The following MEF2C variants were observed in gnomAD, a reference collection of about 807,000 sequenced individuals.
MEF2C encodes myocyte-specific enhancer factor 2C.
Under a neutral mutation model 50.5 loss-of-function variants are expected in MEF2C, and 6 were observed. The ratio of observed to expected loss-of-function variants is 0.12; its 90% CI spans 0.07 to 0.23. The LOEUF (loss-of-function observed/expected upper bound fraction) is 0.23, where lower values mean the gene tolerates loss of function less well. Ranked by LOEUF, MEF2C falls within the 10% of genes least tolerant of loss-of-function variation. The pLI, the probability that MEF2C is intolerant of heterozygous loss-of-function variation, is 1.00. For synonymous variants in MEF2C, 183 were observed against 228.0 expected, an observed-to-expected ratio of 0.80 and a Z score of 1.78; for missense variants, 276 against 605.0, an observed-to-expected ratio of 0.46 and a Z score of 5.70.
chr5:88,774,918 G>T (rs1223082234), intron 3 of MEF2C, among the ~76,000 whole-genome samples: 3 of 152,172 alleles, frequency 2.0e-5, no homozygotes, highest in Non-Finnish European at 4.4e-5. Flanking sequence ...TCCTGTCGTA[G>T]TTCTGCATGC....
chr5:88,874,812 C>T (rs1251676056), intron 1 of MEF2C, among the ~76,000 whole-genome samples: 1 of 151,792 alleles, frequency 6.6e-6, no homozygotes, highest in African/African-American at 2.4e-5. Context: ...CATTTATACA[C>T]TATTCATATA....
chr5:88,877,843 A>T lies in MEF2C; in HGVS notation c.-143+5112T>A, dbSNP rs115875963. ...TTCAGTTTAAGATAGGTTGTCAATA[A>T]GAGCTACTTTAAAAAAAACTGACAA... On this transcript the variant is annotated intron_variant, in intron 1 of 10. Coordinates refer to ENST00000504921, the MANE Select transcript of MEF2C (RefSeq NM_002397.5). The T allele has an allele frequency of 2.5e-3, 388 of 152,168 alleles. 1 individual carries two copies. The highest frequency in any genetic ancestry group is 9.0e-3 in the African/African-American group (372 of 41,560). 9.4% of individuals were successfully genotyped at this position (152,168 alleles called of 1,614,324 possible). A position where few individuals can be genotyped will look rare whatever the true frequency, so the allele number is the denominator to read the frequency against.
intron 3 of MEF2C, among the ~76,000 whole-genome samples, chr5:88,797,948 TC>T (rs1326791872): frequency 1.3e-5 from 2 of 152,232 alleles, no homozygotes; most frequent in Non-Finnish European, 2.9e-5. Flanking sequence ...AAAATTCTTT[TC>T]TTTAAGAATG....
chr5:88,847,156 G>C (rs1481076420), intron 1 of MEF2C, among the ~76,000 whole-genome samples: 1 of 152,166 alleles, frequency 6.6e-6, no homozygotes, highest in Non-Finnish European at 1.5e-5. Context: ...CAGAAGAAAT[G>C]TGAGAGTGTA....
At chr5:88,873,003 C>CTTT (rs1431109473) in intron 1 of MEF2C, among the ~76,000 whole-genome samples, 1 of 151,834 alleles carries the variant, frequency 6.6e-6, no homozygotes, top group Non-Finnish European at 1.5e-5. Context: ...TCCTTTCATG[C>CTTT]TTTTTCTCTC....
At chr5:88,737,155 T>G in intron 6 of MEF2C, 1 of 985,322 alleles carries the variant, frequency 1.0e-6, no homozygotes, top group South Asian at 4.7e-5. Flanking sequence ...GAACTGAAAA[T>G]GTAATGAGTA....
chr5:88,754,016 A>G (rs902012084), intron 4 of MEF2C, among the ~76,000 whole-genome samples: 54 of 152,162 alleles, frequency 3.5e-4, no homozygotes, highest in African/African-American at 1.3e-3. Context: ...TCTACTAGGT[A>G]TATTCTCCAC....
upstream of MEF2C, among the ~76,000 whole-genome samples, chr5:88,885,059 T>TAGG (rs3047823): frequency 0.2 from 30,341 of 152,034 alleles, 2,984 homozygotes; most frequent in African/African-American, 0.23. Context: ...GATTAGACAA[T>TAGG]AGTATATTGA....
rs928317015 is a variant in MEF2C, at chr5:88,762,450, T to C, written c.259-1122A>G. Among the ~76,000 whole-genome samples the C allele has an allele frequency of 5.3e-5, 8 of 152,118 alleles. No individual in the cohort carries two copies. In the South Asian group the frequency reaches 1.0e-3, roughly 20 times the overall value. ...GCCCAGCTAATTTCTGTATATTTAG[T>C]AGGGAATGGGTTTCTCCATGTTGGC... is the stretch of plus-strand genomic sequence containing the variant. On this transcript the variant is annotated intron_variant, in intron 3 of 10. Transcript: ENST00000504921.
At chr5:88,748,311 T>A in intron 6 of MEF2C, 1 of 463,298 alleles carries the variant, frequency 2.2e-6, no homozygotes, top group Non-Finnish European at 2.8e-6. Context: ...TGCCTCCTAC[T>A]ATTTTAAATG....
intron 2 of MEF2C, among the ~76,000 whole-genome samples, chr5:88,814,936 G>A (rs1295334250): frequency 6.6e-6 from 1 of 152,042 alleles, no homozygotes; most frequent in Admixed American, 6.6e-5. Flanking sequence ...GCCTAGGAAT[G>A]TTTTGCCTTT....
intron 3 of MEF2C, among the ~76,000 whole-genome samples, chr5:88,802,141 A>G (rs545540893): frequency 6.6e-6 from 1 of 152,362 alleles, no homozygotes; most frequent in South Asian, 2.1e-4. Context: ...GATTTAATCT[A>G]TTGATGTTAA....
At chr5:88,840,168 C>A (rs1307696526) in intron 1 of MEF2C, among the ~76,000 whole-genome samples, 1 of 152,142 alleles carries the variant, frequency 6.6e-6, no homozygotes, top group African/African-American at 2.4e-5. Flanking sequence ...AGCAACATAA[C>A]CTTCCTCAGT....
rs775791215 is a variant in MEF2C, at chr5:88,729,244, G to A, written c.938C>T (p.Ser313Leu). ...LPGQGMGGYP[S>L]AISTTYGTEY... ...GGTACCATATGTTGTTGAAATGGCT[G>A]ATGGATATCCTCCCATTCCTTGTCC... Residue 313 changes from serine (S) to leucine (L), a missense_variant, in exon 9 of 11, where the codon TCA becomes TTA. Coordinates refer to ENST00000504921, the MANE Select transcript of MEF2C (RefSeq NM_002397.5). 1 of 1,613,234 alleles carries A rather than the reference G, an allele frequency of 6.2e-7. No individual in the cohort carries two copies. Among genetic ancestry groups the A allele is most frequent in the East Asian group, 2.2e-5 (1 of 44,860 alleles).
At chr5:88,780,778 G>A in intron 3 of MEF2C, 1 of 985,286 alleles carries the variant, frequency 1.0e-6, no homozygotes, top group Non-Finnish European at 1.2e-6. Context: ...GGCAGCATAG[G>A]GACACTTGTG....
At chr5:88,894,188 C>T (rs938422389) in intron 1 of MEF2C, among the ~76,000 whole-genome samples, 1 of 152,126 alleles carries the variant, frequency 6.6e-6, no homozygotes, top group Non-Finnish European at 1.5e-5. Flanking sequence ...TTATTGTCCC[C>T]ATTTTAAGAT....
At chr5:88,838,000 C>T (rs534344477) in intron 1 of MEF2C, among the ~76,000 whole-genome samples, 2 of 152,320 alleles carry the variant, frequency 1.3e-5, no homozygotes, top group East Asian at 1.9e-4. Context: ...GGTTAAGTAA[C>T]TTACCCAAGG....
chr5:88,759,406 C>T (rs650228), intron 4 of MEF2C, among the ~76,000 whole-genome samples: 74,034 of 151,928 alleles, frequency 0.49, 19,373 homozygotes, highest in East Asian at 0.59. Flanking sequence ...TGCTTGAACC[C>T]GGGAAGCAGA....
At chr5:88,902,446 A>G (rs2150346432) in intron 1 of MEF2C, among the ~76,000 whole-genome samples, 1 of 151,818 alleles carries the variant, frequency 6.6e-6, no homozygotes, top group East Asian at 1.9e-4. Flanking sequence ...GTTTGTGGGT[A>G]ACGTTATGTT....
Sources: gnomAD v4.1 joint callset for allele counts (sites outside exome capture counted in the v4.1 genomes callset) on GRCh38, gnomAD v4.1.1 for gene constraint, MANE v1.5 for transcripts, NCBI Gene and HGNC (gene_info 2026-07-23, HGNC 2026-07-21) for gene names.